Variants in OPCML observed in about 807,000 individuals in gnomAD.
OPCML encodes the protein opioid binding protein/cell adhesion molecule like.
Under a neutral mutation model 37.8 loss-of-function variants are expected in OPCML, and 13 were observed. The ratio of observed to expected loss-of-function variants is 0.34; its 90% CI spans 0.22 to 0.55. The LOEUF (loss-of-function observed/expected upper bound fraction) is 0.55. Ranked by LOEUF, OPCML falls within the 20% of genes least tolerant of loss-of-function variation. The pLI is 0.91. For missense variants in OPCML, 341 were observed against 435.6 expected, an observed-to-expected ratio of 0.78 and a Z score of 1.93; for synonymous variants, 176 against 168.8, an observed-to-expected ratio of 1.04 and a Z score of -0.33.
chr11:133,173,910 C>T lies in OPCML; in HGVS notation c.62-230900G>A, dbSNP rs1359587621. 6.6e-6 allele frequency among the ~76,000 whole-genome samples: 1 copy of T among 152,134 alleles called. No individual in the cohort carries two copies. The highest frequency in any genetic ancestry group is 1.5e-5 in the Non-Finnish European group (1 of 68,028). On this transcript the variant is annotated intron_variant, in intron 1 of 7. Transcript: ENST00000524381. The surrounding 1 kb of genome is among the most constrained non-coding windows in gnomAD (Gnocchi z 7.8). ...GGCTGGAATGAAGATTGGACCGGGG[C>T]CGGCCGGCACTGGAGCAGCCCTCTC...
chr11:132,808,433 T>C (rs1041127806), intron 2 of OPCML, among the ~76,000 whole-genome samples: 8 of 152,186 alleles, frequency 5.3e-5, no homozygotes, highest in East Asian at 1.9e-4. Flanking sequence ...TTTGAAGAGA[T>C]TGATACATCT....
At chr11:133,471,929 T>C (rs1434891445) in intron 1 of OPCML, among the ~76,000 whole-genome samples, 2 of 152,188 alleles carry the variant, frequency 1.3e-5, no homozygotes, top group Admixed American at 6.5e-5. Context: ...CCTAGCAGAA[T>C]GCCATGATTC....
Position 132,943,343 on chromosome 11 carries a change from T to TC in OPCML, c.62-334dup, listed in dbSNP as rs1257532705. On this transcript the variant is annotated intron_variant, in intron 1 of 7. Coordinates refer to ENST00000524381, the MANE Select transcript of OPCML (RefSeq NM_001012393.5). This position sits in a 1 kb window ranked among gnomAD's most constrained non-coding sequence, Gnocchi z 4.3. Reference sequence around the variant, plus strand: ...CATCCAAAAAGAGCTTTCTTGACGCTCCCCTGGGGAGGAGGGAGGCGGCCA... The same window carrying TC: ...CATCCAAAAAGAGCTTTCTTGACGCTCCCCCTGGGGAGGAGGGAGGCGGCCA... 1.8e-6 allele frequency: 1 copy of TC among 554,590 alleles called. No homozygotes were observed. The highest frequency in any genetic ancestry group is 1.9e-5 in the African/African-American group (1 of 53,148). The allele number at this position is 554,590 out of a possible 1,614,324, so 34.4% of individuals were successfully genotyped here. A position where few individuals can be genotyped will look rare whatever the true frequency, so the allele number is the denominator to read the frequency against.
chr11:133,388,576 G>T (rs1945105715), intron 1 of OPCML, among the ~76,000 whole-genome samples: 1 of 152,156 alleles, frequency 6.6e-6, no homozygotes, highest in Non-Finnish European at 1.5e-5. Context: ...ACGTCAAAAA[G>T]GGTGTTCAGC....
At chr11:133,463,632 C>T (rs537768742) in intron 1 of OPCML, among the ~76,000 whole-genome samples, 16 of 151,960 alleles carry the variant, frequency 1.1e-4, no homozygotes, top group South Asian at 6.3e-4. Flanking sequence ...AGGGGAAGAC[C>T]GTGTCTATGC....
intron 3 of OPCML, among the ~76,000 whole-genome samples, chr11:132,615,127 G>A (rs928374342): frequency 5.3e-5 from 8 of 152,296 alleles, no homozygotes; most frequent in East Asian, 1.9e-4. Context: ...TTTCAAAGAT[G>A]TGCTTACAAC....
intron 1 of OPCML, among the ~76,000 whole-genome samples, chr11:133,323,994 G>A (rs762217897): frequency 6.6e-6 from 1 of 152,168 alleles, no homozygotes; most frequent in Non-Finnish European, 1.5e-5. Context: ...TTACCCCTGT[G>A]GGGGCTTGGG....
intron 1 of OPCML, among the ~76,000 whole-genome samples, chr11:133,315,303 T>C (rs374830957): frequency 6.6e-6 from 1 of 152,256 alleles, no homozygotes; most frequent in South Asian, 2.1e-4. Flanking sequence ...TTACATTAAC[T>C]TGAGTGCCGC....
chr11:133,407,165 A>G (rs1224057290), intron 1 of OPCML, among the ~76,000 whole-genome samples: 1 of 152,200 alleles, frequency 6.6e-6, no homozygotes, highest in Non-Finnish European at 1.5e-5. Context: ...TGATGGGGCT[A>G]AAACTGAGAA....
intron 4 of OPCML, among the ~76,000 whole-genome samples, chr11:132,472,249 T>A (rs2096140342): frequency 6.6e-6 from 1 of 152,198 alleles, no homozygotes; most frequent in Non-Finnish European, 1.5e-5. Flanking sequence ...TCTAAGACCT[T>A]TGAAGGCAAA....
intron 2 of OPCML, among the ~76,000 whole-genome samples, chr11:132,784,490 G>A (rs779498277): frequency 1.3e-5 from 2 of 152,212 alleles, no homozygotes; most frequent in East Asian, 1.9e-4. Flanking sequence ...CAAAACACAA[G>A]TGATGGTGGC....
At chr11:133,475,197 G>A (rs1392760728) in intron 1 of OPCML, among the ~76,000 whole-genome samples, 1 of 148,022 alleles carries the variant, frequency 6.8e-6, no homozygotes, top group African/African-American at 2.6e-5. Context: ...TAGGGTTTTT[G>A]TTTTGTTTTT....
intron 1 of OPCML, among the ~76,000 whole-genome samples, chr11:133,167,174 C>G (rs1010363697): frequency 2.0e-5 from 3 of 152,152 alleles, no homozygotes; most frequent in African/African-American, 7.2e-5. Flanking sequence ...GCTGCTCGGG[C>G]ACTAATTAGT....
intron 1 of OPCML, among the ~76,000 whole-genome samples, chr11:133,261,877 A>C (rs1391496439): frequency 1.3e-5 from 2 of 152,130 alleles, no homozygotes; most frequent in East Asian, 3.9e-4. Flanking sequence ...ATGGCTGTGC[A>C]GGCTAACCCA....
intron 3 of OPCML, among the ~76,000 whole-genome samples, chr11:132,618,986 C>T (rs1192701249): frequency 2.4e-5 from 3 of 126,982 alleles, no homozygotes; most frequent in Non-Finnish European, 5.0e-5. Flanking sequence ...CACACACACA[C>T]ACACACACAC....
chr11:132,530,565 T>G (rs568015725), intron 3 of OPCML, among the ~76,000 whole-genome samples: 2 of 152,274 alleles, frequency 1.3e-5, no homozygotes, highest in African/African-American at 2.4e-5. Context: ...CCTACCATGT[T>G]TGACAAACAA....
chr11:132,924,369 G>C (rs1944919956), intron 2 of OPCML, among the ~76,000 whole-genome samples: 1 of 151,946 alleles, frequency 6.6e-6, no homozygotes, highest in African/African-American at 2.4e-5. Context: ...TCAAATTCCT[G>C]GGCTCAAATG....
At chr11:133,474,463 G>A (rs1245663469) in intron 1 of OPCML, among the ~76,000 whole-genome samples, 9 of 152,232 alleles carry the variant, frequency 5.9e-5, no homozygotes, top group African/African-American at 2.2e-4. Context: ...AGGTAAGCAT[G>A]TTATTCTTGA....
chr11:132,768,430 A>C (rs935169416), intron 2 of OPCML, among the ~76,000 whole-genome samples: 1 of 152,182 alleles, frequency 6.6e-6, no homozygotes, highest in South Asian at 2.1e-4. Context: ...CCATCGTCCA[A>C]AATATGAGCT....
Sources: allele counts gnomAD v4.1 joint callset (sites outside exome capture counted in the v4.1 genomes callset), GRCh38; gene constraint gnomAD v4.1.1; non-coding constraint Gnocchi (gnomAD v3.1); transcripts MANE v1.5; gene names NCBI Gene and HGNC (gene_info 2026-07-23, HGNC 2026-07-21).